PSMA3: variants seen among roughly 807,000 people sequenced by gnomAD.
PSMA3 encodes proteasome 20S subunit alpha 3, also known as proteasome subunit alpha type-3.
PSMA3 carries 8 observed loss-of-function variants against 40.0 expected under a neutral mutation model. The ratio of observed to expected loss-of-function variants is 0.20; its 90% CI spans 0.12 to 0.36. The LOEUF (loss-of-function observed/expected upper bound fraction) is 0.36, where lower values mean the gene tolerates loss of function less well. Ranked by LOEUF, PSMA3 falls within the 10% of genes least tolerant of loss-of-function variation. PSMA3 has a pLI of 1.00. For missense variants in PSMA3, 219 were observed against 310.6 expected, an observed-to-expected ratio of 0.70 and a Z score of 2.22; for synonymous variants, 110 against 100.0, an observed-to-expected ratio of 1.10 and a Z score of -0.59.
In PSMA3 at chr14:58,254,333, C is replaced by CATATATATATATATATATAT. The variant is rs544540648; in HGVS notation, c.228+2101_228+2102insATATATATATATATATATAT. On this transcript the variant is annotated intron_variant, in intron 3 of 10. Transcript: ENST00000216455. ...AATATTTTGAAAAAAATTATGCATG[C>CATATATATATATATATATAT]ATATATATATGTATGTACACACACA... Among the ~76,000 whole-genome samples the CATATATATATATATATATAT allele has an allele frequency of 4.5e-3, 107 of 23,770 alleles. 19 individuals carry two copies. Among genetic ancestry groups the CATATATATATATATATATAT allele is most frequent in the South Asian group, 0.032 (16 of 496 alleles). The allele number at this position is 23,770 out of a possible 152,430, so 15.6% of individuals were successfully genotyped here.
chr14:58,260,114 A>G (rs537085760), intron 5 of PSMA3, among the ~76,000 whole-genome samples: 15 of 152,196 alleles, frequency 9.9e-5, no homozygotes, highest in South Asian at 2.1e-4. Context: ...TAAGGCAAAT[A>G]TAGTTGTCCC....
chr14:58,263,590 C>G (rs1890344987), intron 6 of PSMA3, 115 bp from the exon 7 acceptor site: 2 of 787,156 alleles, frequency 2.5e-6, no homozygotes, highest in African/African-American at 1.8e-5. Flanking sequence ...TTTTTCTATA[C>G]TTGCTTTTAA....
chr14:58,270,299 G>A (rs1217375346), intron 8 of PSMA3, 119 bp from the exon 9 acceptor site: 1 of 1,393,994 alleles, frequency 7.2e-7, no homozygotes, highest in Non-Finnish European at 9.7e-7. Flanking sequence ...ATGTGTCTGT[G>A]TAATTTTATA....
At chr14:58,247,582 T>C (rs1309896947) in intron 1 of PSMA3, among the ~76,000 whole-genome samples, 168 bp from the exon 2 acceptor site, 1 of 152,242 alleles carries the variant, frequency 6.6e-6, no homozygotes, top group Non-Finnish European at 1.5e-5. Context: ...TATATAGCTT[T>C]ATCTTAGCTA....
At position 58,263,692 on chromosome 14, in the gene PSMA3, T is replaced by G. The variant is rs1471490315; in HGVS notation, c.478-13T>G. 1 of 1,605,112 alleles carries G rather than the reference T, an allele frequency of 6.2e-7. No homozygotes were observed. Among genetic ancestry groups the G allele is most frequent in the South Asian group, 1.1e-5 (1 of 90,726 alleles). On this transcript the variant is annotated splice_polypyrimidine_tract_variant and intron_variant, in intron 6 of 10. Transcript: ENST00000216455. ...TACTAATTCAGTGATTATATATATTTTTTTCTAAATAGGGTTATTGGGGCT... is the reference window on the plus strand; with the variant it reads ...TACTAATTCAGTGATTATATATATTGTTTTCTAAATAGGGTTATTGGGGCT...
At chr14:58,268,369 C>T (rs985359131) in intron 8 of PSMA3, among the ~76,000 whole-genome samples, 7 of 152,058 alleles carry the variant, frequency 4.6e-5, no homozygotes, top group African/African-American at 7.2e-5. Flanking sequence ...TCTAACAATA[C>T]GTGGAAGAAA....
chr14:58,263,346 C>T (rs933470707), intron 6 of PSMA3, among the ~76,000 whole-genome samples: 1 of 152,078 alleles, frequency 6.6e-6, no homozygotes, highest in Non-Finnish European at 1.5e-5. Flanking sequence ...GAGTACTGAA[C>T]TCATAGGAAT....
At position 58,266,648 on chromosome 14, in the gene PSMA3, G is replaced by A. The variant is rs914217906; in HGVS notation, c.544-826G>A. On this transcript the variant is annotated intron_variant, in intron 7 of 10. Transcript: ENST00000216455. ...TTGGCTTCCCACTTCTGCTTTACACGTTCATCTTTCTTGAAATCAAATCCA... is the reference window on the plus strand; with the variant it reads ...TTGGCTTCCCACTTCTGCTTTACACATTCATCTTTCTTGAAATCAAATCCA... 4 of 152,208 alleles carry A rather than the reference G, an allele frequency of 2.6e-5. No homozygotes were observed. In the East Asian group the frequency reaches 5.8e-4, roughly 22 times the overall value. 9.4% of individuals were successfully genotyped at this position (152,208 alleles called of 1,614,324 possible). A position where few individuals can be genotyped will look rare whatever the true frequency, so the allele number is the denominator to read the frequency against.
chr14:58,271,988 AAATTTTTGTCTT>A lies in PSMA3; in HGVS notation c.*95_*106del, dbSNP rs1046684802. 1.0e-6 allele frequency: 1 copy of A among 963,682 alleles called. No individual in the cohort carries two copies. The highest frequency in any genetic ancestry group is 1.7e-5 in the African/African-American group (1 of 60,050). The allele number at this position is 963,682 out of a possible 1,614,324, so 59.7% of individuals were successfully genotyped here. On this transcript the variant is annotated 3_prime_UTR_variant, in exon 11 of 11. Coordinates refer to ENST00000216455, the MANE Select transcript of PSMA3 (RefSeq NM_002788.4). ...TTATACATACTGTCCAATTTTCATT[AAATTTTTGTCTT>A]ATAACTATTGAAGTTTGGTTAATAT...
chr14:58,254,340 A>ATATATATATATGTATGTATG lies in PSMA3; in HGVS notation c.228+2101_228+2102insATATATATGTATGTATGTAT. 5.7e-5 allele frequency among the ~76,000 whole-genome samples: 2 copies of ATATATATATATGTATGTATG among 34,800 alleles called. 1 individual carries two copies. Among genetic ancestry groups the ATATATATATATGTATGTATG allele is most frequent in the East Asian group, 1.1e-3 (2 of 1,892 alleles). 22.8% of individuals were successfully genotyped at this position (34,800 alleles called of 152,430 possible). On this transcript the variant is annotated intron_variant, in intron 3 of 10. Coordinates refer to ENST00000216455, the MANE Select transcript of PSMA3 (RefSeq NM_002788.4). The stretch of plus-strand genomic sequence containing the variant: ...TGAAAAAAATTATGCATGCATATAT[A>ATATATATATATGTATGTATG]TATGTATGTACACACACACAGAGGT...
intron 5 of PSMA3, 92 bp from the exon 6 acceptor site, chr14:58,260,854 CAG>C (rs1890262370): frequency 1.1e-6 from 1 of 880,464 alleles, no homozygotes; most frequent in East Asian, 2.7e-5. Context: ...TAATTTATCT[CAG>C]AAAGAAAATA....
chr14:58,255,326 C>CCA, intron 3 of PSMA3, among the ~76,000 whole-genome samples: 1 of 152,240 alleles, frequency 6.6e-6, no homozygotes, highest in Admixed American at 6.5e-5. Context: ...ATTTCCTGTT[C>CCA]CACACTGATT....
chr14:58,253,629 T>C (rs998746608), intron 3 of PSMA3, among the ~76,000 whole-genome samples: 3 of 152,346 alleles, frequency 2.0e-5, no homozygotes, highest in African/African-American at 7.2e-5. Context: ...AGTCTCACTC[T>C]GTCATCCAGG....
At chr14:58,252,985 T>C (rs1030030856) in intron 3 of PSMA3, among the ~76,000 whole-genome samples, 27 of 150,816 alleles carry the variant, frequency 1.8e-4, no homozygotes, top group African/African-American at 6.3e-4. Flanking sequence ...CATTTTCTTT[T>C]TTTTTTTTTT....
chr14:58,265,286 A>G (rs1051653966), intron 7 of PSMA3: 1 of 152,188 alleles, frequency 6.6e-6, no homozygotes, highest in African/African-American at 2.4e-5. Flanking sequence ...AAATTAGAAT[A>G]TTTAGAGCAG....
At chr14:58,256,594 A>G (rs1165750068) in intron 3 of PSMA3, among the ~76,000 whole-genome samples, 1 of 151,458 alleles carries the variant, frequency 6.6e-6, no homozygotes, top group Non-Finnish European at 1.5e-5. Context: ...TTGTATTTTT[A>G]GTAGAGACGG....
At chr14:58,270,224 T>C (rs1344919908) in intron 8 of PSMA3, 194 bp from the exon 9 acceptor site, 19 of 738,264 alleles carry the variant, frequency 2.6e-5, no homozygotes, top group South Asian at 4.9e-5. Flanking sequence ...GTCGGGAGAG[T>C]AGATGTTTCA....
intron 6 of PSMA3, 99 bp from the exon 7 acceptor site, chr14:58,263,606 A>G: frequency 1.1e-6 from 1 of 935,740 alleles, no homozygotes; most frequent in Non-Finnish European, 1.6e-6. Flanking sequence ...TTTAAAAGTC[A>G]TTTAGCATCC....
intron 7 of PSMA3, among the ~76,000 whole-genome samples, 157 bp downstream of exon 7, chr14:58,263,927 A>T (rs568820643): frequency 7.4e-4 from 113 of 151,846 alleles, no homozygotes; most frequent in African/African-American, 2.6e-3. Context: ...TGATGAGCTT[A>T]AAAAAAAATC....
Sources: gnomAD v4.1 joint callset for allele counts (sites outside exome capture counted in the v4.1 genomes callset) on GRCh38, gnomAD v4.1.1 for gene constraint, MANE v1.5 for transcripts, NCBI Gene and HGNC (gene_info 2026-07-23, HGNC 2026-07-21) for gene names.